The following METAP1D variants were observed in gnomAD, a reference collection of about 807,000 sequenced individuals.
The protein encoded by METAP1D is methionine aminopeptidase 1D, mitochondrial.
A neutral mutation model predicts 40.5 loss-of-function variants in METAP1D; 31 were observed. The ratio of observed to expected loss-of-function variants is 0.77; its 90% CI spans 0.58 to 1.03. The LOEUF is 1.03. METAP1D is among the 50% of genes least tolerant of loss of function. The pLI is 0.00. For synonymous variants in METAP1D, 151 were observed against 146.4 expected, an observed-to-expected ratio of 1.03 and a Z score of -0.22; for missense variants, 411 against 420.7, an observed-to-expected ratio of 0.98 and a Z score of 0.20.
intron 5 of METAP1D, 108 bp downstream of exon 5, chr2:172,066,414 T>C: frequency 1.2e-6 from 1 of 868,664 alleles, no homozygotes; most frequent in Non-Finnish European, 1.8e-6. Flanking sequence ...TGCTGTTTAC[T>C]TCTAGACCCA....
At chr2:172,017,351 A>G (rs1688895464) in intron 1 of METAP1D, among the ~76,000 whole-genome samples, 1 of 149,552 alleles carries the variant, frequency 6.7e-6, no homozygotes, top group African/African-American at 2.4e-5. Flanking sequence ...ATGTGTATAT[A>G]TAGGTATATA....
chr2:172,037,220 C>G (rs1449257238), intron 1 of METAP1D, among the ~76,000 whole-genome samples: 1 of 151,846 alleles, frequency 6.6e-6, no homozygotes, highest in Non-Finnish European at 1.5e-5. Context: ...CAAAATCGTG[C>G]CGTTGCACTC....
In METAP1D at chr2:172,021,190, T is replaced by C. The variant is rs141121491; in HGVS notation, c.40+21181T>C. Among the ~76,000 whole-genome samples, 209 of 152,312 alleles carry C rather than the reference T, an allele frequency of 1.4e-3. 1 individual carries two copies. The highest frequency in any genetic ancestry group is 3.4e-3 in the Middle Eastern group (1 of 294). ...ATTTTCACGTTTAGGTAAAAAGATA[T>C]TGGTCCTTTTAGGATATATGGGGAT... On this transcript the variant is annotated intron_variant, in intron 1 of 9. Coordinates refer to ENST00000315796, the MANE Select transcript of METAP1D (RefSeq NM_199227.3).
At chr2:172,019,456 C>T (rs182211970) in intron 1 of METAP1D, among the ~76,000 whole-genome samples, 2 of 152,100 alleles carry the variant, frequency 1.3e-5, no homozygotes, top group African/African-American at 2.4e-5. Flanking sequence ...TGGCTCATGC[C>T]TGTAATTCCA....
intron 6 of METAP1D, among the ~76,000 whole-genome samples, chr2:172,077,163 T>C (rs984197014): frequency 7.9e-5 from 12 of 152,232 alleles, no homozygotes; most frequent in Non-Finnish European, 1.3e-4. Context: ...AAGCATTCTT[T>C]ATGAATTTTG....
chr2:172,028,158 AG>A (rs946864214), intron 1 of METAP1D, among the ~76,000 whole-genome samples: 2 of 142,342 alleles, frequency 1.4e-5, no homozygotes, highest in African/African-American at 4.9e-5. Context: ...GCCAGTAACT[AG>A]GGGGGACCAC....
intron 5 of METAP1D, among the ~76,000 whole-genome samples, chr2:172,068,934 T>G (rs1185555590): frequency 6.6e-6 from 1 of 152,016 alleles, no homozygotes; most frequent in African/African-American, 2.4e-5. Context: ...TTTTACTTTT[T>G]CAGATATAGG....
rs11355201 is a variant in METAP1D, at chr2:172,023,857, C to CTTT, written c.40+23861_40+23863dup. Among the ~76,000 whole-genome samples the CTTT allele has an allele frequency of 8.6e-4, 119 of 139,168 alleles. 1 individual carries two copies. The South Asian group carries it at 0.015, about 17-fold the overall frequency. The allele number at this position is 139,168 out of a possible 152,430, so 91.3% of individuals were successfully genotyped here. On this transcript the variant is annotated intron_variant, in intron 1 of 9. Coordinates refer to ENST00000315796, the MANE Select transcript of METAP1D (RefSeq NM_199227.3). ...TAGTGTGAGTGTTCACTGTAAAATT[C>CTTT]TTTTTTTTTTTTTTTGAGACAGAGT...
intron 1 of METAP1D, among the ~76,000 whole-genome samples, chr2:172,056,091 T>A (rs1689996120): frequency 6.6e-6 from 1 of 152,166 alleles, no homozygotes; most frequent in African/African-American, 2.4e-5. Context: ...ATAAAGATGA[T>A]CTTTTGTGTA....
intron 1 of METAP1D, among the ~76,000 whole-genome samples, chr2:172,012,936 A>G (rs1688763966): frequency 6.6e-6 from 1 of 152,046 alleles, no homozygotes. Context: ...ATTAAGTCTC[A>G]TGTTCGGTAT....
rs556733467 is a variant in METAP1D at position 172,008,219 on chromosome 2, T to C, written c.40+8210T>C. 3.3e-5 allele frequency among the ~76,000 whole-genome samples: 5 copies of C among 152,254 alleles called. No homozygotes were observed. The East Asian group carries it at 9.7e-4, about 29-fold the overall frequency. ...ATTTTTTGGTACAAGTACTTCATAGTGGTGTTGCTGGAGACATTGTGGCCT... is the reference window on the plus strand; with the variant it reads ...ATTTTTTGGTACAAGTACTTCATAGCGGTGTTGCTGGAGACATTGTGGCCT... On this transcript the variant is annotated intron_variant, in intron 1 of 9. Coordinates refer to ENST00000315796, the MANE Select transcript of METAP1D (RefSeq NM_199227.3).
chr2:172,011,505 C>T (rs1039364762), intron 1 of METAP1D, among the ~76,000 whole-genome samples: 2 of 151,794 alleles, frequency 1.3e-5, no homozygotes, highest in Non-Finnish European at 1.5e-5. Context: ...AGGCTGGTCT[C>T]GATCTCCTGA....
chr2:172,079,382 G>A (rs914312125), intron 8 of METAP1D, 120 bp downstream of exon 8: 33 of 860,170 alleles, frequency 3.8e-5, no homozygotes, highest in Admixed American at 6.4e-5. Context: ...GAAATAATTC[G>A]GATGCACTGG....
chr2:172,030,692 C>T (rs184520847), intron 1 of METAP1D, among the ~76,000 whole-genome samples: 10 of 152,214 alleles, frequency 6.6e-5, no homozygotes, highest in African/African-American at 1.2e-4. Flanking sequence ...GACCATGGAG[C>T]GACATCAATT....
At chr2:172,071,915 A>C (rs1383296503) in intron 6 of METAP1D, among the ~76,000 whole-genome samples, 1 of 152,184 alleles carries the variant, frequency 6.6e-6, no homozygotes, top group Non-Finnish European at 1.5e-5. Flanking sequence ...TTTCTTCGTA[A>C]GCCTTCAAAT....
intron 1 of METAP1D, among the ~76,000 whole-genome samples, chr2:172,060,480 G>A (rs1690114888): frequency 6.8e-6 from 1 of 147,720 alleles, no homozygotes; most frequent in Admixed American, 6.8e-5. Context: ...GCCACAGAAA[G>A]AGCCACTGTT....
intron 3 of METAP1D, 55 bp downstream of exon 3, chr2:172,063,915 C>G (rs1690193121): frequency 1.3e-6 from 2 of 1,481,810 alleles, no homozygotes; most frequent in Non-Finnish European, 1.8e-6. Context: ...AAACACTCCT[C>G]TTTTTTTCCT....
intron 1 of METAP1D, among the ~76,000 whole-genome samples, chr2:172,023,605 G>A (rs55863868): frequency 0.19 from 29,198 of 152,034 alleles, 3,039 homozygotes; most frequent in South Asian, 0.24. Context: ...CTTAAGATTC[G>A]TGCATATCAT....
intron 1 of METAP1D, among the ~76,000 whole-genome samples, chr2:172,032,695 A>G (rs868565944): frequency 2.6e-5 from 4 of 152,224 alleles, no homozygotes; most frequent in Non-Finnish European, 4.4e-5. Flanking sequence ...CTGGTCATCA[A>G]TGGTTGCTAA....
Sources: allele counts gnomAD v4.1 joint callset (sites outside exome capture counted in the v4.1 genomes callset), GRCh38; gene constraint gnomAD v4.1.1; transcripts MANE v1.5; gene names NCBI Gene and HGNC (gene_info 2026-07-23, HGNC 2026-07-21).